The following ZFR variants were observed in gnomAD, a reference collection of about 807,000 sequenced individuals.
ZFR encodes zinc finger RNA-binding protein.
Under a neutral mutation model 130.7 loss-of-function variants are expected in ZFR, and 19 were observed. That is an observed-to-expected ratio of 0.15 (90% CI 0.10 to 0.21). The LOEUF is 0.21. Among genes scored for constraint, ZFR ranks in the 10% least tolerant of loss-of-function variants. The probability of loss-of-function intolerance (pLI) is 1.00; values close to 1 mark genes in which losing one functional copy is unlikely to be tolerated. For missense variants in ZFR, 872 were observed against 1,321.5 expected (o/e 0.66, Z 5.27); for synonymous variants, 466 against 456.9 (o/e 1.02, Z -0.25).
chr5:32,395,384 A>C, intron 10 of ZFR, 80 bp from the exon 11 acceptor site: 1 of 1,180,742 alleles, frequency 8.5e-7, no homozygotes, highest in Non-Finnish European at 1.1e-6. Context: ...AATTACACTT[A>C]TTCTTTAATC....
chr5:32,355,125 ACT>A lies in ZFR; in HGVS notation c.*633_*634del, dbSNP rs911517767. ...CAGCAAACTTGATTAGATTAACAGA[ACT>A]CTGTCTTAATTACACCTTTATATAT... is the stretch of plus-strand genomic sequence containing the variant. On this transcript the variant is annotated 3_prime_UTR_variant, in exon 20 of 20. Transcript: ENST00000265069. 1.3e-5 allele frequency: 2 copies of A among 152,192 alleles called. No homozygotes were observed. Among genetic ancestry groups the A allele is most frequent in the African/African-American group, 2.4e-5 (1 of 41,440 alleles). The allele number at this position is 152,192 out of a possible 1,614,324, so 9.4% of individuals were successfully genotyped here.
chr5:32,391,114 C>T (rs142560527), intron 11 of ZFR, among the ~76,000 whole-genome samples: 141 of 152,308 alleles, frequency 9.3e-4, no homozygotes, highest in Non-Finnish European at 1.6e-3. Context: ...AGTTTTAAAT[C>T]TTGTGCAATT....
intron 2 of ZFR, among the ~76,000 whole-genome samples, chr5:32,427,417 C>T (rs950978883): frequency 1.3e-5 from 2 of 148,646 alleles, no homozygotes; most frequent in Non-Finnish European, 3.0e-5. Flanking sequence ...AGAAAACAAC[C>T]TTACGAATAA....
At chr5:32,440,976 T>TTATTG (rs1754458618) in intron 2 of ZFR, among the ~76,000 whole-genome samples, 1 of 152,182 alleles carries the variant, frequency 6.6e-6, no homozygotes, top group Non-Finnish European at 1.5e-5. Context: ...GGAATTACTT[T>TTATTG]TATTGTATTT....
chr5:32,355,525 GA>G lies in ZFR; in HGVS notation c.*234del, dbSNP rs1752284726. The G allele has an allele frequency of 3.2e-6, 1 of 313,738 alleles. No homozygotes were observed. The highest frequency in any genetic ancestry group is 5.0e-5 in the Admixed American group (1 of 20,198). The allele number at this position is 313,738 out of a possible 1,614,324, so 19.4% of individuals were successfully genotyped here. Reference sequence around the variant, plus strand: ...CCAGAAAATAAAATAAAAATAATGGGAAAAAATCGGAACTACTGTTTTCCCC... The same window carrying G: ...CCAGAAAATAAAATAAAAATAATGGGAAAAATCGGAACTACTGTTTTCCCC... On this transcript the variant is annotated 3_prime_UTR_variant, in exon 20 of 20. Coordinates refer to ENST00000265069, the MANE Select transcript of ZFR (RefSeq NM_016107.5).
intron 8 of ZFR, among the ~76,000 whole-genome samples, chr5:32,400,700 A>G (rs192955435): frequency 6.6e-6 from 1 of 152,282 alleles, no homozygotes; most frequent in African/African-American, 2.4e-5. Flanking sequence ...TGGTCACTAC[A>G]AAAATTAGCT....
intron 17 of ZFR, 51 bp downstream of exon 17, chr5:32,379,064 G>GC: frequency 7.5e-7 from 1 of 1,337,172 alleles, no homozygotes; most frequent in Non-Finnish European, 1.1e-6. Context: ...GATAAAAGCT[G>GC]CAGAATTATT....
At chr5:32,368,695 A>G (rs1309111807) in intron 17 of ZFR, among the ~76,000 whole-genome samples, 3 of 152,366 alleles carry the variant, frequency 2.0e-5, no homozygotes, top group South Asian at 2.1e-4. Flanking sequence ...TTCTGGCTAA[A>G]TAACAGTAGT....
At chr5:32,381,527 G>A (rs910363480) in intron 15 of ZFR, among the ~76,000 whole-genome samples, 3 of 151,934 alleles carry the variant, frequency 2.0e-5, no homozygotes, top group African/African-American at 4.8e-5. Context: ...AAATGAATAT[G>A]GACGAAAAAA....
chr5:32,370,306 G>A (rs987927799), intron 17 of ZFR, among the ~76,000 whole-genome samples: 4 of 108,002 alleles, frequency 3.7e-5, no homozygotes, highest in African/African-American at 1.6e-4. Flanking sequence ...TGTGTGTTGT[G>A]GGGGGAGAGA....
intron 15 of ZFR, 97 bp downstream of exon 15, chr5:32,385,411 G>A (rs1753023125): frequency 7.2e-7 from 1 of 1,389,836 alleles, no homozygotes; most frequent in Non-Finnish European, 9.8e-7. Flanking sequence ...CACGTGTAAT[G>A]CCAGCATGTT....
intron 2 of ZFR, among the ~76,000 whole-genome samples, chr5:32,423,585 A>G (rs1423530785): frequency 2.6e-5 from 4 of 152,110 alleles, no homozygotes; most frequent in Admixed American, 6.5e-5. Flanking sequence ...AATACAAAAG[A>G]AAGGATAAGT....
At chr5:32,415,515 T>TGTGTGTGTGTGTGC (rs1326041688) in intron 4 of ZFR, among the ~76,000 whole-genome samples, 2 of 97,934 alleles carry the variant, frequency 2.0e-5, no homozygotes, top group African/African-American at 1.0e-4. Context: ...TGTGTGTGTG[T>TGTGTGTGTGTGTGC]GCGCGCGCGC....
intron 2 of ZFR, among the ~76,000 whole-genome samples, chr5:32,426,910 A>AAC (rs1554074426): frequency 1.3e-5 from 2 of 151,700 alleles, no homozygotes; most frequent in African/African-American, 4.8e-5. Context: ...TTCTGAAAAA[A>AAC]AAAAAAAAGC....
intron 2 of ZFR, among the ~76,000 whole-genome samples, chr5:32,432,343 T>C (rs897657791): frequency 6.6e-6 from 1 of 152,158 alleles, no homozygotes; most frequent in Non-Finnish European, 1.5e-5. Context: ...ATGTAGGTAA[T>C]AGCTCACTAA....
rs181882373 is a variant in ZFR at position 32,402,694 on chromosome 5, C to T, written c.1516+412G>A. Among the ~76,000 whole-genome samples the T allele has an allele frequency of 7.2e-4, 109 of 151,080 alleles. No homozygotes were observed. The Middle Eastern group carries it at 0.01, about 14-fold the overall frequency. On this transcript the variant is annotated intron_variant, in intron 8 of 19. Coordinates refer to ENST00000265069, the MANE Select transcript of ZFR (RefSeq NM_016107.5). Reference sequence around the variant, plus strand: ...TCAGGAGACTGAGGTGGGCGGATCGCTTGAGCCCTGGAAATTGAGGCTGCA... The same window carrying T: ...TCAGGAGACTGAGGTGGGCGGATCGTTTGAGCCCTGGAAATTGAGGCTGCA...
At chr5:32,391,845 C>T (rs141404446) in intron 11 of ZFR, among the ~76,000 whole-genome samples, 141 of 152,088 alleles carry the variant, frequency 9.3e-4, no homozygotes, top group Non-Finnish European at 1.5e-3. Flanking sequence ...GTGATCCTCC[C>T]ACCTCAGCCC....
At chr5:32,391,094 A>T (rs1753160253) in intron 11 of ZFR, among the ~76,000 whole-genome samples, 1 of 152,208 alleles carries the variant, frequency 6.6e-6, no homozygotes, top group Non-Finnish European at 1.5e-5. Context: ...CCAGAAAGAA[A>T]CAATTCGTAA....
intron 2 of ZFR, among the ~76,000 whole-genome samples, chr5:32,428,147 G>A (rs1031059742): frequency 2.6e-5 from 4 of 152,190 alleles, no homozygotes; most frequent in Non-Finnish European, 2.9e-5. Context: ...GTGTGGCTGA[G>A]TGCAGCGACT....
Sources: allele counts gnomAD v4.1 joint callset (sites outside exome capture counted in the v4.1 genomes callset), GRCh38; gene constraint gnomAD v4.1.1; transcripts MANE v1.5; gene names NCBI Gene and HGNC (gene_info 2026-07-23, HGNC 2026-07-21).